MAN2A1: variants seen among roughly 807,000 people sequenced by gnomAD.
The protein encoded by MAN2A1 is mannosidase alpha class 2A member 1, also known as alpha-mannosidase 2.
MAN2A1 carries 76 observed loss-of-function variants against 142.6 expected under a neutral mutation model. The observed-to-expected ratio is 0.53, with a 90% CI of 0.44 to 0.65. The LOEUF (loss-of-function observed/expected upper bound fraction) is 0.65, where lower values mean the gene tolerates loss of function less well. Among genes scored for constraint, MAN2A1 ranks in the 30% least tolerant of loss-of-function variants. The probability of loss-of-function intolerance (pLI) is 0.00; values close to 1 mark genes in which losing one functional copy is unlikely to be tolerated. For synonymous variants in MAN2A1, 559 were observed against 473.2 expected (o/e 1.18, Z -2.35); for missense variants, 1,311 against 1,365.1 (o/e 0.96, Z 0.62).
intron 3 of MAN2A1, among the ~76,000 whole-genome samples, chr5:109,719,978 T>TA (rs1402045461): frequency 1.3e-5 from 2 of 152,196 alleles, no homozygotes; most frequent in Non-Finnish European, 2.9e-5. Context: ...TTTGAAAGTT[T>TA]TGAATCATAG....
chr5:109,819,982 G>A, intron 14 of MAN2A1, 95 bp downstream of exon 14: 2 of 938,728 alleles, frequency 2.1e-6, no homozygotes, highest in South Asian at 1.7e-5. Context: ...AAAGTCTTAA[G>A]TAGAGCTGTA....
In MAN2A1 at chr5:109,847,755, C is replaced by A. The variant is rs761015143; in HGVS notation, c.2941C>A (p.Arg981=). ...QDNKITANLF[R]ILLEKRSAVN... The stretch of plus-strand genomic sequence containing the variant: ...TAACAAGATTACAGCTAATCTATTT[C>A]GAATACTACTAGAAAAAAGAAGTGC... Residue 981 remains arginine (R), a synonymous_variant, in exon 19 of 22, where the codon CGA becomes AGA. Coordinates refer to ENST00000261483, the MANE Select transcript of MAN2A1 (RefSeq NM_002372.4). 4 of 1,592,058 alleles carry A rather than the reference C, an allele frequency of 2.5e-6. No homozygotes were observed. In the East Asian group the frequency reaches 6.9e-5, roughly 28 times the overall value.
intron 12 of MAN2A1, chr5:109,804,416 A>G (rs1754111449): frequency 6.5e-6 from 2 of 306,052 alleles, no homozygotes; most frequent in African/African-American, 2.3e-5. Context: ...AAACTGAAAC[A>G]TAGGGTTTCA....
At chr5:109,747,571 A>G (rs181725492) in intron 4 of MAN2A1, among the ~76,000 whole-genome samples, 50 of 152,282 alleles carry the variant, frequency 3.3e-4, no homozygotes, top group Admixed American at 2.7e-3. Context: ...AATTTTATAC[A>G]AAGGTAACAA....
chr5:109,804,086 A>G (rs1382276486), intron 12 of MAN2A1: 7 of 771,134 alleles, frequency 9.1e-6, no homozygotes, highest in Non-Finnish European at 1.1e-5. Context: ...AACATAGACT[A>G]AAGTGATGTG....
intron 15 of MAN2A1, among the ~76,000 whole-genome samples, chr5:109,822,056 C>T (rs1754638247): frequency 1.3e-5 from 2 of 151,682 alleles, no homozygotes; most frequent in Non-Finnish European, 2.9e-5. Flanking sequence ...AGTTATGAAA[C>T]CTGCTAACTA....
chr5:109,839,286 G>A (rs1478478707), intron 16 of MAN2A1, among the ~76,000 whole-genome samples: 1 of 152,154 alleles, frequency 6.6e-6, no homozygotes, highest in Non-Finnish European at 1.5e-5. Flanking sequence ...TTTGGTTAAT[G>A]TAAGCATACT....
At chr5:109,758,344 A>G (rs1477019828) in intron 5 of MAN2A1, among the ~76,000 whole-genome samples, 1 of 151,978 alleles carries the variant, frequency 6.6e-6, no homozygotes, top group Admixed American at 6.6e-5. Flanking sequence ...TGTCTATTCT[A>G]ATTATTTTCC....
intron 7 of MAN2A1, among the ~76,000 whole-genome samples, chr5:109,771,890 T>A (rs1753154693): frequency 6.6e-6 from 1 of 152,098 alleles, no homozygotes; most frequent in Non-Finnish European, 1.5e-5. Flanking sequence ...TGTTCTTTTT[T>A]TGGGGGGTGC....
intron 1 of MAN2A1, among the ~76,000 whole-genome samples, chr5:109,693,971 G>T (rs1481720277): frequency 6.6e-6 from 1 of 152,234 alleles, no homozygotes; most frequent in African/African-American, 2.4e-5. Flanking sequence ...ATGGAAAGGA[G>T]AAACTTTGTT....
intron 3 of MAN2A1, among the ~76,000 whole-genome samples, chr5:109,720,829 G>A (rs1259856792): frequency 6.6e-6 from 1 of 152,228 alleles, no homozygotes; most frequent in African/African-American, 2.4e-5. Context: ...AAGTCTGGTT[G>A]CTAAAGGAAC....
At chr5:109,786,131 A>G (rs1164873766) in intron 10 of MAN2A1, among the ~76,000 whole-genome samples, 2 of 152,110 alleles carry the variant, frequency 1.3e-5, no homozygotes, top group East Asian at 1.9e-4. Context: ...AATGGCAAAT[A>G]TATATGACAC....
At chr5:109,806,444 A>G (rs1284647604) in intron 12 of MAN2A1, among the ~76,000 whole-genome samples, 2 of 152,220 alleles carry the variant, frequency 1.3e-5, no homozygotes, top group African/African-American at 2.4e-5. Flanking sequence ...GATTACCATA[A>G]CATCTGAAAA....
At chr5:109,832,070 T>C (rs1276156704) in intron 16 of MAN2A1, among the ~76,000 whole-genome samples, 9 of 151,496 alleles carry the variant, frequency 5.9e-5, no homozygotes, top group Non-Finnish European at 1.3e-4. Flanking sequence ...TAGAATGATA[T>C]ATGATTTTAT....
rs995436801 is a variant in MAN2A1 at position 109,783,871 on chromosome 5, A to AT, written c.1578-863dup. Among the ~76,000 whole-genome samples the AT allele has an allele frequency of 1.7e-4, 26 of 149,254 alleles. No individual in the cohort carries two copies. The East Asian group carries it at 1.8e-3, about 10-fold the overall frequency. On this transcript the variant is annotated intron_variant, in intron 9 of 21. Coordinates refer to ENST00000261483, the MANE Select transcript of MAN2A1 (RefSeq NM_002372.4). Reference sequence around the variant, plus strand: ...TCCTTTAAAATATACTACAAAGGACATTTTTTTTTTAAGAGACAGAGTCTT... The same window carrying AT: ...TCCTTTAAAATATACTACAAAGGACATTTTTTTTTTTAAGAGACAGAGTCTT...
In MAN2A1 at chr5:109,755,467, G is replaced by T. The variant is rs1752664024; in HGVS notation, c.835+11G>T. The stretch of plus-strand genomic sequence containing the variant: ...TGGAAAATAATATAGGTATGTATTG[G>T]TATATTCTTTATTTGGGCTATTTTG... On this transcript the variant is annotated intron_variant, in intron 5 of 21. Transcript: ENST00000261483. 2 of 1,603,534 alleles carry T rather than the reference G, an allele frequency of 1.2e-6. No individual in the cohort carries two copies. The highest frequency in any genetic ancestry group is 2.2e-5 in the East Asian group (1 of 44,672).
intron 20 of MAN2A1, among the ~76,000 whole-genome samples, chr5:109,861,173 G>A (rs1362361608): frequency 6.6e-6 from 1 of 152,086 alleles, no homozygotes; most frequent in Non-Finnish European, 1.5e-5. Context: ...ACATGGAGAT[G>A]GTAATAATAC....
chr5:109,717,234 AC>A (rs1365410382), intron 3 of MAN2A1, among the ~76,000 whole-genome samples: 3 of 152,176 alleles, frequency 2.0e-5, no homozygotes, highest in Non-Finnish European at 4.4e-5. Context: ...TCTTCTACTT[AC>A]ATTTTTTCCC....
At chr5:109,690,674 G>C in intron 1 of MAN2A1, 122 bp downstream of exon 1, 1 of 1,113,452 alleles carries the variant, frequency 9.0e-7, no homozygotes, top group Non-Finnish European at 1.3e-6. Context: ...GCGAGGCCAG[G>C]GGCTCTGTAG....
Sources: gnomAD v4.1 joint callset for allele counts (sites outside exome capture counted in the v4.1 genomes callset) on GRCh38, gnomAD v4.1.1 for gene constraint, MANE v1.5 for transcripts, NCBI Gene and HGNC (gene_info 2026-07-23, HGNC 2026-07-21) for gene names.